CDYL2: variants seen among roughly 807,000 people sequenced by gnomAD.
CDYL2 encodes chromodomain Y like 2, also known as chromodomain Y-like protein 2.
Under a neutral mutation model 49.4 loss-of-function variants are expected in CDYL2, and 23 were observed. The ratio of observed to expected loss-of-function variants is 0.47; its 90% CI spans 0.34 to 0.66. The LOEUF (loss-of-function observed/expected upper bound fraction) is 0.66. Ranked by LOEUF, CDYL2 falls within the 30% of genes least tolerant of loss-of-function variation. The probability of loss-of-function intolerance (pLI) is 0.01; values close to 1 mark genes in which losing one functional copy is unlikely to be tolerated. For synonymous variants in CDYL2, 360 were observed against 268.8 expected (o/e 1.34, Z -3.32); for missense variants, 678 against 656.4 (o/e 1.03, Z -0.36).
chr16:80,621,805 G>A (rs1429151373), intron 3 of CDYL2, among the ~76,000 whole-genome samples: 2 of 152,136 alleles, frequency 1.3e-5, no homozygotes, highest in East Asian at 3.9e-4. Context: ...GTATGCCCTA[G>A]GATTTTTAGG....
At chr16:80,696,993 G>C (rs1297206688) in intron 1 of CDYL2, among the ~76,000 whole-genome samples, 4 of 151,898 alleles carry the variant, frequency 2.6e-5, no homozygotes, top group Middle Eastern at 3.4e-3. Context: ...GAACAACATA[G>C]TGATATTTTG....
intron 1 of CDYL2, among the ~76,000 whole-genome samples, chr16:80,763,455 CA>C (rs1358549089): frequency 9.7e-5 from 14 of 144,786 alleles, no homozygotes; most frequent in South Asian, 2.2e-4. Flanking sequence ...AAGACAAAAA[CA>C]AAAAAAAAAG....
At position 80,684,592 on chromosome 16, in the gene CDYL2, G is replaced by A; in HGVS notation, c.562C>T (p.Gln188Ter). ...GLDLNDHVGE[Q>*]DMGECDVNHA... Reference sequence around the variant, plus strand: ...TTCACGTCACATTCACCCATATCTTGCTCTCCAACATGATCATTCAAATCC... The same window carrying A: ...TTCACGTCACATTCACCCATATCTTACTCTCCAACATGATCATTCAAATCC... Residue 188 changes from glutamine (Q) to a stop codon, truncating the protein, a stop_gained, in exon 2 of 7, where the codon CAA becomes TAA. Transcript: ENST00000570137. LOFTEE classifies it high-confidence loss of function. The A allele has an allele frequency of 6.2e-7, 1 of 1,614,138 alleles. No individual in the cohort carries two copies. Among genetic ancestry groups the A allele is most frequent in the Non-Finnish European group, 8.5e-7 (1 of 1,180,006 alleles).
chr16:80,723,557 C>G (rs1905071819), intron 1 of CDYL2, among the ~76,000 whole-genome samples: 1 of 152,210 alleles, frequency 6.6e-6, no homozygotes, highest in South Asian at 2.1e-4. Flanking sequence ...GCACACTGAT[C>G]TTATCCCAAT....
Position 80,678,859 on chromosome 16 carries a change from G to A in CDYL2, c.616+5679C>T, listed in dbSNP as rs867375943. 2.9e-3 allele frequency among the ~76,000 whole-genome samples: 420 copies of A among 146,952 alleles called. 2 individuals carry two copies. The highest frequency in any genetic ancestry group is 0.014 in the Middle Eastern group (4 of 284). On this transcript the variant is annotated intron_variant, in intron 2 of 6. Transcript: ENST00000570137. ...TCACAATAGCAAAGACTTGGAACCAGCCCAAATGTCCAACAATGATAGATT... is the reference window on the plus strand; with the variant it reads ...TCACAATAGCAAAGACTTGGAACCAACCCAAATGTCCAACAATGATAGATT...
At position 80,602,318 on chromosome 16, in the gene CDYL2, A is replaced by C. The variant is rs554039707; in HGVS notation, c.*2070T>G. 2 of 152,328 alleles carry C rather than the reference A, an allele frequency of 1.3e-5. No individual in the cohort carries two copies. Among genetic ancestry groups the C allele is most frequent in the East Asian group, 3.9e-4 (2 of 5,172 alleles). The allele number at this position is 152,328 out of a possible 1,614,324, so 9.4% of individuals were successfully genotyped here. ...CCTACATGGACAAAGGGGAGGGTGC[A>C]CAGGACTTTAATTCCATCCTCCTCT... is the stretch of plus-strand genomic sequence containing the variant. On this transcript the variant is annotated 3_prime_UTR_variant, in exon 7 of 7. Transcript: ENST00000570137.
intron 1 of CDYL2, chr16:80,738,552 G>T (rs1905621432): frequency 6.6e-6 from 1 of 152,262 alleles, no homozygotes; most frequent in African/African-American, 2.4e-5. Flanking sequence ...TGAAATTCCA[G>T]AATAGGCAAA....
At chr16:80,713,749 G>A (rs1904700873) in intron 1 of CDYL2, among the ~76,000 whole-genome samples, 1 of 152,098 alleles carries the variant, frequency 6.6e-6, no homozygotes, top group Non-Finnish European at 1.5e-5. Context: ...GACCCTATGT[G>A]ACTTCTATGG....
At chr16:80,755,776 A>G (rs1906290496) in intron 1 of CDYL2, among the ~76,000 whole-genome samples, 1 of 152,242 alleles carries the variant, frequency 6.6e-6, no homozygotes. Context: ...ATGATAGTGT[A>G]TGAATATTTG....
At chr16:80,768,464 A>C (rs1906799180) in intron 1 of CDYL2, among the ~76,000 whole-genome samples, 1 of 152,222 alleles carries the variant, frequency 6.6e-6, no homozygotes, top group African/African-American at 2.4e-5. Flanking sequence ...TCACAGTTCT[A>C]GAGGCTGGGA....
chr16:80,720,934 G>A (rs990878119), intron 1 of CDYL2, among the ~76,000 whole-genome samples: 4 of 152,152 alleles, frequency 2.6e-5, no homozygotes, highest in African/African-American at 9.7e-5. Context: ...TAAGGGAATA[G>A]ACTAAAATAA....
At position 80,694,540 on chromosome 16, in the gene CDYL2, G is replaced by A. The variant is rs569069924; in HGVS notation, c.25-9411C>T. On this transcript the variant is annotated intron_variant, in intron 1 of 6. Transcript: ENST00000570137. ...AAGGAGAAGATTAGAATAAACCCTG[G>A]AATACTGAATCGGAGTAAGAGATAT... is the stretch of plus-strand genomic sequence containing the variant. 2.5e-4 allele frequency among the ~76,000 whole-genome samples: 38 copies of A among 152,214 alleles called. No individual in the cohort carries two copies. In the South Asian group the frequency reaches 7.5e-3, roughly 30 times the overall value.
intron 2 of CDYL2, among the ~76,000 whole-genome samples, chr16:80,667,952 T>C (rs8057515): frequency 0.5 from 75,878 of 152,118 alleles, 20,616 homozygotes; most frequent in Middle Eastern, 0.7. Context: ...CACAGCAGGA[T>C]GGCACCCGGG....
intron 1 of CDYL2, among the ~76,000 whole-genome samples, chr16:80,796,475 C>T (rs1308833112): frequency 1.3e-5 from 2 of 152,196 alleles, no homozygotes; most frequent in African/African-American, 4.8e-5. Context: ...CTAAATGCGG[C>T]TGCAACAAAT....
At chr16:80,714,826 A>G (rs1394486254) in intron 1 of CDYL2, among the ~76,000 whole-genome samples, 1 of 152,202 alleles carries the variant, frequency 6.6e-6, no homozygotes, top group Non-Finnish European at 1.5e-5. Context: ...TGTTTCACCA[A>G]AAGCTCCATT....
intron 1 of CDYL2, among the ~76,000 whole-genome samples, chr16:80,697,413 A>C (rs1318658988): frequency 6.6e-6 from 1 of 152,194 alleles, no homozygotes; most frequent in Non-Finnish European, 1.5e-5. Context: ...GTAGACAAGG[A>C]ACGTTCCTCA....
chr16:80,614,142 C>T (rs1906721830), intron 4 of CDYL2, among the ~76,000 whole-genome samples: 2 of 152,222 alleles, frequency 1.3e-5, no homozygotes, highest in South Asian at 4.1e-4. Flanking sequence ...TGAGCAAATA[C>T]ATGAGTCTCC....
At chr16:80,673,185 T>C (rs1028446201) in intron 2 of CDYL2, among the ~76,000 whole-genome samples, 2 of 152,102 alleles carry the variant, frequency 1.3e-5, no homozygotes, top group Non-Finnish European at 2.9e-5. Flanking sequence ...CCGGGCATGG[T>C]GGCATGCACC....
At chr16:80,707,794 C>A (rs764610071) in intron 1 of CDYL2, among the ~76,000 whole-genome samples, 26 of 152,146 alleles carry the variant, frequency 1.7e-4, no homozygotes, top group Non-Finnish European at 3.2e-4. Flanking sequence ...TTTATCTGAA[C>A]CCTGGCTCAG....
Sources: allele counts gnomAD v4.1 joint callset (sites outside exome capture counted in the v4.1 genomes callset), GRCh38; gene constraint gnomAD v4.1.1; transcripts MANE v1.5; gene names NCBI Gene and HGNC (gene_info 2026-07-23, HGNC 2026-07-21).